RIMS1: variants seen among roughly 807,000 people sequenced by gnomAD.
RIMS1 encodes regulating synaptic membrane exocytosis 1, also known as regulating synaptic membrane exocytosis protein 1.
In RIMS1, 83 loss-of-function variants were observed where a neutral mutation model predicts 214.1. The observed-to-expected ratio is 0.39, with a 90% CI of 0.32 to 0.47. The LOEUF (loss-of-function observed/expected upper bound fraction) is 0.47. Ranked by LOEUF, RIMS1 falls within the 20% of genes least tolerant of loss-of-function variation. The pLI is 0.99. For synonymous variants in RIMS1, 793 were observed against 786.8 expected, an observed-to-expected ratio of 1.01 and a Z score of -0.13; for missense variants, 2,050 against 2,161.8, an observed-to-expected ratio of 0.95 and a Z score of 1.03.
intron 4 of RIMS1, among the ~76,000 whole-genome samples, chr6:72,173,577 A>G (rs1299502517): frequency 6.6e-6 from 1 of 151,866 alleles, no homozygotes; most frequent in Admixed American, 6.6e-5. Flanking sequence ...TTTTACCATT[A>G]ATTTTAAAAG....
chr6:71,966,383 G>C (rs1794439318), intron 1 of RIMS1, among the ~76,000 whole-genome samples: 1 of 152,132 alleles, frequency 6.6e-6, no homozygotes. Flanking sequence ...AAAATTGAAT[G>C]AAGTTTTTAT....
At chr6:72,077,609 A>G (rs1488428139) in intron 2 of RIMS1, among the ~76,000 whole-genome samples, 1 of 152,228 alleles carries the variant, frequency 6.6e-6, no homozygotes, top group Non-Finnish European at 1.5e-5. Context: ...CTGTAGAAAC[A>G]GAATAAGGAG....
chr6:72,122,452 C>T (rs918986665), intron 4 of RIMS1, among the ~76,000 whole-genome samples: 16 of 151,522 alleles, frequency 1.1e-4, no homozygotes, highest in Admixed American at 4.6e-4. Flanking sequence ...ATGATCCACC[C>T]GCCTCGGCCT....
chr6:72,292,812 A>G (rs2093599619), intron 26 of RIMS1, among the ~76,000 whole-genome samples: 1 of 152,120 alleles, frequency 6.6e-6, no homozygotes, highest in African/African-American at 2.4e-5. Context: ...TTACTAAAAT[A>G]ATTTCTACTT....
chr6:72,279,795 G>A (rs767008405), intron 23 of RIMS1, among the ~76,000 whole-genome samples: 1 of 151,994 alleles, frequency 6.6e-6, no homozygotes, highest in Non-Finnish European at 1.5e-5. Context: ...TAGCTTGGAT[G>A]AGACACTTAA....
At chr6:72,284,504 ATAAT>A (rs2091592915) in intron 24 of RIMS1, among the ~76,000 whole-genome samples, 1 of 152,156 alleles carries the variant, frequency 6.6e-6, no homozygotes, top group Non-Finnish European at 1.5e-5. Context: ...ATTTATCTAA[ATAAT>A]GCCATCTTTT....
chr6:72,324,086 AAG>A (rs1404684156), intron 28 of RIMS1, among the ~76,000 whole-genome samples: 6 of 151,872 alleles, frequency 4.0e-5, no homozygotes, highest in East Asian at 1.9e-4. Context: ...ATAGAGAACA[AAG>A]AGAATTCATC....
At chr6:72,123,110 G>C (rs2038766985) in intron 4 of RIMS1, among the ~76,000 whole-genome samples, 1 of 151,646 alleles carries the variant, frequency 6.6e-6, no homozygotes, top group African/African-American at 2.4e-5. Context: ...TGGGCATTTA[G>C]TGCTATAGAT....
chr6:71,959,386 T>C lies in RIMS1; in HGVS notation c.165-9597T>C, dbSNP rs1174318967. On this transcript the variant is annotated intron_variant, in intron 1 of 33. Transcript: ENST00000521978. ...CATTGTGGGACCTCTCAGTAGATATTTATTCAGCTATTGGGCTCCCAGATG... is the reference window on the plus strand; with the variant it reads ...CATTGTGGGACCTCTCAGTAGATATCTATTCAGCTATTGGGCTCCCAGATG... Among the ~76,000 whole-genome samples, 3 of 152,264 alleles carry C rather than the reference T, an allele frequency of 2.0e-5. No individual in the cohort carries two copies. The East Asian group carries it at 5.8e-4, about 29-fold the overall frequency.
chr6:72,012,662 G>A (rs1358770816), intron 2 of RIMS1, among the ~76,000 whole-genome samples: 1 of 152,138 alleles, frequency 6.6e-6, no homozygotes, highest in Admixed American at 6.6e-5. Context: ...AGGGAATGAT[G>A]CCACAAGGTA....
chr6:72,056,220 A>G (rs1826133157), intron 2 of RIMS1, among the ~76,000 whole-genome samples: 2 of 152,272 alleles, frequency 1.3e-5, no homozygotes, highest in South Asian at 4.2e-4. Context: ...CTGAGTGCAT[A>G]TGTACACGAA....
At chr6:72,014,863 G>A (rs1737835966) in intron 2 of RIMS1, among the ~76,000 whole-genome samples, 1 of 152,134 alleles carries the variant, frequency 6.6e-6, no homozygotes, top group Admixed American at 6.5e-5. Flanking sequence ...ATCCTTTCAT[G>A]ATATATCCTC....
rs150564826 is a variant in RIMS1 at position 72,181,936 on chromosome 6, C to G, written c.813-348C>G. On this transcript the variant is annotated intron_variant, in intron 5 of 33. Transcript: ENST00000521978. ...TAAAACATCTTCACAGATGGTGTCT[C>G]TAATCCTCACATGAACCTTGCAAGG... 8.5e-3 allele frequency among the ~76,000 whole-genome samples: 1,289 copies of G among 152,286 alleles called. 9 individuals are homozygous for G. The highest frequency in any genetic ancestry group is 0.036 in the South Asian group (172 of 4,824).
chr6:72,251,349 C>A lies in RIMS1; in HGVS notation c.2679C>A (p.Ser893Arg). Residue 893 changes from serine to arginine, a missense_variant, in exon 15 of 34, where the codon AGC (serine) becomes AGA (arginine). Physicochemically the swap from Ser to Arg is moderately radical, Grantham distance 110. Coordinates refer to ENST00000521978, the MANE Select transcript of RIMS1 (RefSeq NM_014989.7). ...CAAGGCGACATATTCATGGAGAAAG[C>A]TCTAGCAAAAAGCTACAAAGTAGGT... is the stretch of plus-strand genomic sequence containing the variant. The part of the protein sequence containing the change: ...FMPRRHIHGE[S>R]SSKKLQRSQR... 1 of 1,594,818 alleles carries A rather than the reference C, an allele frequency of 6.3e-7. No homozygotes were observed. The highest frequency in any genetic ancestry group is 8.5e-7 in the Non-Finnish European group (1 of 1,170,668).
intron 6 of RIMS1, chr6:72,216,974 C>T: frequency 1.5e-6 from 2 of 1,378,980 alleles, no homozygotes; most frequent in Non-Finnish European, 9.4e-7. Context: ...ATGACAGCAG[C>T]ACTTATGGCC....
intron 4 of RIMS1, among the ~76,000 whole-genome samples, chr6:72,178,236 G>A (rs978871120): frequency 1.4e-4 from 21 of 152,034 alleles, no homozygotes; most frequent in Admixed American, 1.4e-3. Context: ...TTCCTGGAAA[G>A]CAGTTCTTAA....
In RIMS1 at chr6:72,185,900, G is replaced by A. The variant is rs374938292; in HGVS notation, c.1678+2751G>A. On this transcript the variant is annotated intron_variant, in intron 6 of 33. Coordinates refer to ENST00000521978, the MANE Select transcript of RIMS1 (RefSeq NM_014989.7). Reference sequence around the variant, plus strand: ...TTTTCCTTCTCCTCAATGTGAAGACGACGAGGATGAAGACCTTTAGGATGA... The same window carrying A: ...TTTTCCTTCTCCTCAATGTGAAGACAACGAGGATGAAGACCTTTAGGATGA... Among the ~76,000 whole-genome samples, 337 of 152,268 alleles carry A rather than the reference G, an allele frequency of 2.2e-3. 1 individual carries two copies. Among genetic ancestry groups the A allele is most frequent in the Middle Eastern group, 0.02 (6 of 294 alleles).
intron 27 of RIMS1, among the ~76,000 whole-genome samples, chr6:72,312,699 C>G (rs978633986): frequency 3.9e-5 from 6 of 152,074 alleles, no homozygotes; most frequent in African/African-American, 1.2e-4. Flanking sequence ...TCTAATGAAG[C>G]CATAGTAGAA....
chr6:72,390,870 C>A, intron 30 of RIMS1, 134 bp downstream of exon 30: 1 of 1,002,444 alleles, frequency 1.0e-6, no homozygotes, highest in Non-Finnish European at 1.5e-6. Flanking sequence ...TTTTAAACCA[C>A]CCTGATGGCT....
Sources: allele counts gnomAD v4.1 joint callset (sites outside exome capture counted in the v4.1 genomes callset), GRCh38; gene constraint gnomAD v4.1.1; transcripts MANE v1.5; gene names NCBI Gene and HGNC (gene_info 2026-07-23, HGNC 2026-07-21).